WLS: variants seen among roughly 807,000 people sequenced by gnomAD.
The protein encoded by WLS is protein wntless homolog.
In WLS, 23 loss-of-function variants were observed where a neutral mutation model predicts 62.8. The observed-to-expected ratio is 0.37, with a 90% CI of 0.26 to 0.52. The LOEUF is 0.52. Ranked by LOEUF, WLS falls within the 20% of genes least tolerant of loss-of-function variation. The probability of loss-of-function intolerance (pLI) is 0.92; values close to 1 mark genes in which losing one functional copy is unlikely to be tolerated. For synonymous variants in WLS, 246 were observed against 244.1 expected (o/e 1.01, Z -0.07); for missense variants, 615 against 697.3 (o/e 0.88, Z 1.33).
chr1:68,098,855 A>G, intron 11 of WLS: 1 of 1,446,902 alleles, frequency 6.9e-7, no homozygotes, highest in Non-Finnish European at 9.1e-7. Context: ...AAAAATTTTT[A>G]CCTACATAAA....
chr1:68,163,318 G>T (rs560158818), intron 2 of WLS, among the ~76,000 whole-genome samples: 1 of 152,146 alleles, frequency 6.6e-6, no homozygotes, highest in Non-Finnish European at 1.5e-5. Flanking sequence ...TGAAACCCTC[G>T]TCCCGGACGG....
intron 1 of WLS, among the ~76,000 whole-genome samples, chr1:68,216,663 G>A (rs1168270880): frequency 6.7e-6 from 1 of 149,428 alleles, no homozygotes; most frequent in African/African-American, 2.5e-5. Flanking sequence ...TAATGGGGGA[G>A]ATGCCAAAAT....
chr1:68,150,245 G>A lies in WLS; in HGVS notation c.915C>T (p.Gly305=). Residue 305 remains glycine (G), a synonymous_variant, in exon 6 of 12, where the codon GGC becomes GGT. Coordinates refer to ENST00000262348, the MANE Select transcript of WLS (RefSeq NM_024911.7). ...AGGACAGAAGCATCGCATAGAAGAT[G>A]CCCTGTCGGATGTCACCAAACAGCA... The part of the protein sequence containing the change: ...WMLLFGDIRQ[G]IFYAMLLSFW... The A allele has an allele frequency of 1.2e-6, 2 of 1,614,202 alleles. No individual in the cohort carries two copies. The highest frequency in any genetic ancestry group is 1.7e-6 in the Non-Finnish European group (2 of 1,180,038).
At chr1:68,161,746 A>G in intron 2 of WLS, 1 of 1,578,704 alleles carries the variant, frequency 6.3e-7, no homozygotes, top group Non-Finnish European at 8.7e-7. Flanking sequence ...ACCTTCCGGC[A>G]TTCTCTGCTA....
rs565511685 is a variant in WLS at position 68,225,329 on chromosome 1, A to C, written c.106+6865T>G. 9.2e-5 allele frequency among the ~76,000 whole-genome samples: 14 copies of C among 152,280 alleles called. No homozygotes were observed. In the South Asian group the frequency reaches 2.7e-3, roughly 29 times the overall value. On this transcript the variant is annotated intron_variant, in intron 1 of 11. Transcript: ENST00000262348. ...TTAGAAAACACTAAAGTTTGAGATCATTAAGTTTGAGAATTGGCATGTCTC... is the reference window on the plus strand; with the variant it reads ...TTAGAAAACACTAAAGTTTGAGATCCTTAAGTTTGAGAATTGGCATGTCTC...
chr1:68,107,127 AT>A (rs1646158402), intron 11 of WLS, among the ~76,000 whole-genome samples: 1 of 152,092 alleles, frequency 6.6e-6, no homozygotes, highest in African/African-American at 2.4e-5. Flanking sequence ...ATTTATGAAA[AT>A]AAGACAAAAT....
At position 68,147,110 on chromosome 1, in the gene WLS, AATAAT is replaced by A. The variant is rs1187722456; in HGVS notation, c.1134+1021_1134+1025del. Among the ~76,000 whole-genome samples, 5 of 152,310 alleles carry A rather than the reference AATAAT, an allele frequency of 3.3e-5. No homozygotes were observed. The South Asian group carries it at 6.2e-4, about 19-fold the overall frequency. ...TGAACTTGGCGTGCATATTTCATTA[AATAAT>A]ATAATATCTAATGCAGTTTCTCCTT... On this transcript the variant is annotated intron_variant, in intron 8 of 11. Coordinates refer to ENST00000262348, the MANE Select transcript of WLS (RefSeq NM_024911.7).
At position 68,119,049 on chromosome 1, in the gene WLS, T is replaced by C. The variant is rs1055853328; in HGVS notation, c.1510+18731A>G. ...ATCCAAGGATGCTCATTTCAACATA[T>C]ATTGTAATAGTCAAACTTTGCAAAC... On this transcript the variant is annotated intron_variant, in intron 11 of 11. Transcript: ENST00000354777. Among the ~76,000 whole-genome samples, 75 of 152,198 alleles carry C rather than the reference T, an allele frequency of 4.9e-4. 1 individual carries two copies. The highest frequency in any genetic ancestry group is 7.5e-4 in the Non-Finnish European group (51 of 68,014).
chr1:68,161,708 T>C, intron 2 of WLS: 1 of 1,359,116 alleles, frequency 7.4e-7, no homozygotes, highest in Middle Eastern at 2.6e-4. Context: ...TTTCACTATC[T>C]CTTGGTCCCA....
intron 11 of WLS, among the ~76,000 whole-genome samples, chr1:68,112,917 T>G (rs1646246532): frequency 6.6e-6 from 1 of 152,230 alleles, no homozygotes; most frequent in Non-Finnish European, 1.5e-5. Flanking sequence ...AGCAAGGAAT[T>G]TGGCTCCCTG....
chr1:68,152,712 G>A (rs1291624819), intron 5 of WLS, among the ~76,000 whole-genome samples: 2 of 152,176 alleles, frequency 1.3e-5, no homozygotes, highest in Non-Finnish European at 2.9e-5. Context: ...TTGCTGTAAA[G>A]AGGAGCAGAA....
intron 6 of WLS, 29 bp from the exon 7 acceptor site, chr1:68,148,689 T>C: frequency 6.2e-7 from 1 of 1,607,392 alleles, no homozygotes; most frequent in Admixed American, 1.7e-5. Flanking sequence ...AGAAGGGAGA[T>C]AGAGGGGAGA....
At chr1:68,156,709 G>C (rs1042683899) in intron 3 of WLS, among the ~76,000 whole-genome samples, 4 of 152,162 alleles carry the variant, frequency 2.6e-5, no homozygotes, top group African/African-American at 9.7e-5. Context: ...TAGAAAGAAT[G>C]CTGCTTTTTC....
At chr1:68,187,189 CAAAAAAAAAAAAAAAA>C (rs34130992) in intron 2 of WLS, among the ~76,000 whole-genome samples, 2 of 57,196 alleles carry the variant, frequency 3.5e-5, no homozygotes, top group East Asian at 1.0e-3. Flanking sequence ...ACTCCATCTC[CAAAAAAAAAAAAAAAA>C]AAAAAATTAG....
At chr1:68,165,389 G>T (rs1229455324) in intron 2 of WLS, among the ~76,000 whole-genome samples, 1 of 152,072 alleles carries the variant, frequency 6.6e-6, no homozygotes, top group Non-Finnish European at 1.5e-5. Flanking sequence ...TATACCCAGA[G>T]CCTACAGACC....
chr1:68,106,835 G>A (rs541837037), intron 11 of WLS, among the ~76,000 whole-genome samples: 1 of 152,150 alleles, frequency 6.6e-6, no homozygotes, highest in East Asian at 1.9e-4. Context: ...CCTGCAACAC[G>A]AGATCAGTTC....
intron 11 of WLS, among the ~76,000 whole-genome samples, chr1:68,103,810 G>A (rs536349569): frequency 6.6e-6 from 1 of 152,246 alleles, no homozygotes; most frequent in South Asian, 2.1e-4. Context: ...ATGCTGCTTG[G>A]GCACTGCCAA....
chr1:68,213,714 A>G (rs1472499934), intron 1 of WLS, among the ~76,000 whole-genome samples: 1 of 152,164 alleles, frequency 6.6e-6, no homozygotes, highest in African/African-American at 2.4e-5. Context: ...TCTGATCTAA[A>G]AAATGCCTAG....
At chr1:68,189,609 T>C (rs151338912) in intron 2 of WLS, among the ~76,000 whole-genome samples, 127 of 152,344 alleles carry the variant, frequency 8.3e-4, no homozygotes, top group Non-Finnish European at 1.5e-3. Flanking sequence ...GTGCTTCTTT[T>C]ATAAAGACTA....
Sources: allele counts gnomAD v4.1 joint callset (sites outside exome capture counted in the v4.1 genomes callset), GRCh38; gene constraint gnomAD v4.1.1; transcripts MANE v1.5; gene names NCBI Gene and HGNC (gene_info 2026-07-23, HGNC 2026-07-21).